CFAP43: variants seen among roughly 807,000 people sequenced by gnomAD.
CFAP43 encodes the protein cilia and flagella associated protein 43, also known as cilia- and flagella-associated protein 43.
In CFAP43, 155 loss-of-function variants were observed where a neutral mutation model predicts 218.9. That is an observed-to-expected ratio of 0.71 (90% confidence interval 0.62 to 0.81). CFAP43 has a LOEUF of 0.81. Among genes scored for constraint, CFAP43 ranks in the 30% least tolerant of loss-of-function variants. The pLI is 0.00. For synonymous variants in CFAP43, 645 were observed against 681.3 expected, an observed-to-expected ratio of 0.95 and a Z score of 0.83; for missense variants, 1,778 against 1,954.3, an observed-to-expected ratio of 0.91 and a Z score of 1.70.
chr10:104,182,541 G>T, intron 16 of CFAP43, 28 bp from the exon 17 acceptor site: 2 of 1,545,610 alleles, frequency 1.3e-6, no homozygotes, highest in Non-Finnish European at 1.7e-6. Flanking sequence ...AAAACACAGA[G>T]GCTATAAAAA....
chr10:104,218,146 A>G (rs677879), intron 3 of CFAP43, among the ~76,000 whole-genome samples: 4,353 of 152,170 alleles, frequency 0.029, 214 homozygotes, highest in African/African-American at 0.1. Flanking sequence ...CAGGAGATTG[A>G]GACCATCCTG....
Position 104,218,915 on chromosome 10 carries a change from G to A in CFAP43, c.417-4489C>T, listed in dbSNP as rs377034770. 6.6e-4 allele frequency: 310 copies of A among 472,600 alleles called. 3 individuals carry two copies. The highest frequency in any genetic ancestry group is 2.6e-3 in the African/African-American group (131 of 50,088). The allele number at this position is 472,600 out of a possible 1,614,324, so 29.3% of individuals were successfully genotyped here. On this transcript the variant is annotated intron_variant, in intron 3 of 37. Transcript: ENST00000357060. ...CAGCGGGAGACTGGACGCTGACCCC[G>A]AGGAGCCACCACACCAACCACAGCT...
chr10:104,203,664 C>A lies in CFAP43; in HGVS notation c.1095+8G>T. ...AATCACATATCAAGAAATTACCATC[C>A]AACATACCTTGTCTGTTTGAATCAG... is the stretch of plus-strand genomic sequence containing the variant. On this transcript the variant is annotated splice_region_variant and intron_variant, in intron 8 of 37. Transcript: ENST00000357060. 1 of 1,592,346 alleles carries A rather than the reference C, an allele frequency of 6.3e-7. No homozygotes were observed.
intron 27 of CFAP43, among the ~76,000 whole-genome samples, chr10:104,159,031 C>T (rs985336252): frequency 7.9e-5 from 12 of 152,016 alleles, no homozygotes; most frequent in Admixed American, 2.6e-4. Flanking sequence ...AAAAAATAAT[C>T]CAATGTTAGG....
intron 11 of CFAP43, 176 bp from the exon 12 acceptor site, chr10:104,192,478 T>C (rs1474310456): frequency 1.0e-5 from 6 of 576,452 alleles, no homozygotes; most frequent in African/African-American, 2.0e-5. Flanking sequence ...ATAATCATTG[T>C]ACTTTAGGCC....
intron 25 of CFAP43, 53 bp from the exon 26 acceptor site, chr10:104,162,094 C>T: frequency 6.4e-7 from 1 of 1,563,916 alleles, no homozygotes; most frequent in Non-Finnish European, 8.7e-7. Context: ...CCTGACATTC[C>T]AGGTGGCTCC....
At chr10:104,217,354 TTTTC>T (rs1375468441) in intron 3 of CFAP43, among the ~76,000 whole-genome samples, 5 of 119,948 alleles carry the variant, frequency 4.2e-5, no homozygotes, top group Non-Finnish European at 7.9e-5. Flanking sequence ...CTTTCTTTCT[TTTTC>T]TTTCTTTTTG....
chr10:104,225,712 C>T (rs921679984), intron 2 of CFAP43, among the ~76,000 whole-genome samples, 155 bp from the exon 3 acceptor site: 1 of 152,174 alleles, frequency 6.6e-6, no homozygotes, highest in African/African-American at 2.4e-5. Flanking sequence ...ATTTCTAAGA[C>T]CATGAACAGA....
chr10:104,212,138 C>G lies in CFAP43; in HGVS notation c.604G>C (p.Glu202Gln). 6.2e-7 allele frequency: 1 copy of G among 1,613,778 alleles called. No individual in the cohort carries two copies. ...FRARSVKLPL[E>Q]DGSFFNETDV... Reference sequence around the variant, plus strand: ...GTTTCATTAAAAAATGACCCATCTTCTAGAGGTAATTTCACCGACCTGTAG... The same window carrying G: ...GTTTCATTAAAAAATGACCCATCTTGTAGAGGTAATTTCACCGACCTGTAG... The change falls in exon 5 of 38, where the codon GAA becomes CAA. Residue 202 changes from glutamate to glutamine, a missense_variant. Around this residue, in one of 3 missense-constraint regions of CFAP43, gnomAD observed 1,553 missense variants for 1,685.2 expected, o/e 0.92. Coordinates refer to ENST00000357060, the MANE Select transcript of CFAP43 (RefSeq NM_025145.7).
chr10:104,143,755 G>A (rs1163590502), intron 31 of CFAP43, 116 bp from the exon 32 acceptor site: 5 of 965,818 alleles, frequency 5.2e-6, no homozygotes, highest in Non-Finnish European at 7.7e-6. Flanking sequence ...CCTTTGCCAT[G>A]TGATGGCTGG....
At chr10:104,142,474 T>G in intron 32 of CFAP43, 81 bp from the exon 33 acceptor site, 1 of 1,007,790 alleles carries the variant, frequency 9.9e-7, no homozygotes, top group Admixed American at 2.6e-5. Flanking sequence ...CTTTTTAAAT[T>G]TAAAAACCTT....
chr10:104,167,572 AAAAT>A, intron 22 of CFAP43, 45 bp downstream of exon 22: 1 of 1,420,906 alleles, frequency 7.0e-7, no homozygotes, highest in East Asian at 2.4e-5. Flanking sequence ...AGGAGACTCT[AAAAT>A]AAAGCACATC....
At chr10:104,199,317 G>A (rs1013964332) in intron 8 of CFAP43, among the ~76,000 whole-genome samples, 2 of 152,098 alleles carry the variant, frequency 1.3e-5, no homozygotes, top group African/African-American at 2.4e-5. Flanking sequence ...AGTTCTTCAC[G>A]CTTACTTGAG....
At position 104,205,943 on chromosome 10, in the gene CFAP43, T is replaced by C. The variant is rs1173588609; in HGVS notation, c.963+20A>G. The C allele has an allele frequency of 6.3e-7, 1 of 1,597,594 alleles. No individual in the cohort carries two copies. The highest frequency in any genetic ancestry group is 8.5e-7 in the Non-Finnish European group (1 of 1,173,410). ...TGAATTTTCTTTAAACCAATTAATT[T>C]GAAAAAAAGAATACATTACAATTCC... On this transcript the variant is annotated intron_variant, in intron 7 of 37. Transcript: ENST00000357060.
At chr10:104,163,961 T>C (rs2089014215) in intron 24 of CFAP43, 133 bp downstream of exon 24, 1 of 799,540 alleles carries the variant, frequency 1.3e-6, no homozygotes, top group East Asian at 2.6e-5. Context: ...GGCTACATCA[T>C]GTCTTTCTGT....
chr10:104,152,080 G>T (rs914972099), intron 28 of CFAP43, among the ~76,000 whole-genome samples: 13 of 152,078 alleles, frequency 8.5e-5, no homozygotes, highest in African/African-American at 2.9e-4. Flanking sequence ...GATCTTTTGG[G>T]ACATGAGGAT....
intron 37 of CFAP43, among the ~76,000 whole-genome samples, chr10:104,131,017 AAAAAG>A (rs1305688772): frequency 2.0e-5 from 3 of 149,918 alleles, no homozygotes; most frequent in African/African-American, 7.5e-5. Flanking sequence ...AAAAAAAAAA[AAAAAG>A]AAAAGAAACA....
At chr10:104,190,265 A>C (rs373375775) in intron 12 of CFAP43, among the ~76,000 whole-genome samples, 2 of 151,276 alleles carry the variant, frequency 1.3e-5, no homozygotes, top group Non-Finnish European at 1.5e-5. Context: ...CTAGGAATTC[A>C]AGGCTATAGT....
At chr10:104,140,104 T>A (rs1303272566) in intron 34 of CFAP43, among the ~76,000 whole-genome samples, 1 of 149,804 alleles carries the variant, frequency 6.7e-6, no homozygotes, top group African/African-American at 2.5e-5. Flanking sequence ...AGAATACAGA[T>A]AAAATAAAGC....
Sources: allele counts gnomAD v4.1 joint callset (sites outside exome capture counted in the v4.1 genomes callset), GRCh38; gene constraint gnomAD v4.1.1; regional missense constraint gnomAD v4.1.1; transcripts MANE v1.5; gene names NCBI Gene and HGNC (gene_info 2026-07-23, HGNC 2026-07-21).